Variants in ADORA1 observed in about 807,000 individuals in gnomAD.
The protein encoded by ADORA1 is adenosine A1 receptor, also known as adenosine receptor A1.
In ADORA1, 6 loss-of-function variants were observed where a neutral mutation model predicts 19.9. The observed-to-expected ratio is 0.30, with a 90% CI of 0.17 to 0.59. The LOEUF is 0.59. ADORA1 is among the 20% of genes least tolerant of loss of function. The probability of loss-of-function intolerance (pLI) is 0.87; values close to 1 mark genes in which losing one functional copy is unlikely to be tolerated. For missense variants in ADORA1, 302 were observed against 439.2 expected (o/e 0.69, Z 2.79); for synonymous variants, 194 against 188.4 (o/e 1.03, Z -0.24).
chr1:203,144,081 T>TACTTACACAC lies in ADORA1; in HGVS notation c.341+14901_341+14902insTTACACACAC, dbSNP rs1553267901. On this transcript the variant is annotated intron_variant, in intron 3 of 3. Transcript: ENST00000337894. ...GGGATTTAACATCAAGACTACCTCT[T>TACTTACACAC]ACACACACACACACACACACACACA... is the stretch of plus-strand genomic sequence containing the variant. Among the ~76,000 whole-genome samples the TACTTACACAC allele has an allele frequency of 2.9e-5, 4 of 139,772 alleles. No individual in the cohort carries two copies. The East Asian group carries it at 8.9e-4, about 31-fold the overall frequency. The allele number at this position is 139,772 out of a possible 152,430, so 91.7% of individuals were successfully genotyped here. A position where few individuals can be genotyped will look rare whatever the true frequency, so the allele number is the denominator to read the frequency against.
rs1437820804 is a variant in ADORA1, at chr1:203,133,086, C to A, written c.341+3904C>A. On this transcript the variant is annotated intron_variant, in intron 3 of 3. Transcript: ENST00000337894. ...AATGTTCATAGTCTCACTAGTAGAGCTTATTGTTACCCCCATTGTATAGAC... is the reference window on the plus strand; with the variant it reads ...AATGTTCATAGTCTCACTAGTAGAGATTATTGTTACCCCCATTGTATAGAC... Among the ~76,000 whole-genome samples, 4 of 150,582 alleles carry A rather than the reference C, an allele frequency of 2.7e-5. No individual in the cohort carries two copies. The East Asian group carries it at 7.7e-4, about 29-fold the overall frequency.
At chr1:203,144,540 G>T (rs1467210758) in intron 3 of ADORA1, among the ~76,000 whole-genome samples, 1 of 152,154 alleles carries the variant, frequency 6.6e-6, no homozygotes, top group Non-Finnish European at 1.5e-5. Flanking sequence ...GGGAGCCGAG[G>T]CTCAGAGAAA....
chr1:203,163,843 G>T (rs1655448274), intron 3 of ADORA1, among the ~76,000 whole-genome samples: 1 of 152,236 alleles, frequency 6.6e-6, no homozygotes, highest in African/African-American at 2.4e-5. Context: ...GAAAGCCGCA[G>T]ATTCTGCATC....
intron 3 of ADORA1, among the ~76,000 whole-genome samples, chr1:203,132,996 G>A (rs925022415): frequency 3.9e-5 from 6 of 151,918 alleles, no homozygotes; most frequent in African/African-American, 1.5e-4. Context: ...TGTGTTGTGT[G>A]TTTTAGCTCC....
chr1:203,155,639 C>T (rs184102546), intron 3 of ADORA1, among the ~76,000 whole-genome samples: 3 of 152,334 alleles, frequency 2.0e-5, no homozygotes, highest in East Asian at 1.9e-4. Context: ...TGAGTTCTGG[C>T]CAGGGAAGCC....
In ADORA1 at chr1:203,165,754, G is replaced by A. The variant is rs748346254; in HGVS notation, c.835G>A (p.Gly279Ser). Residue 279 changes from glycine (G) to serine (S), a missense_variant, in exon 4 of 4, where the codon GGC becomes AGC. Transcript: ENST00000337894. The surrounding 1 kb of genome is among the most constrained non-coding windows in gnomAD (Gnocchi z 5.9). Reference protein sequence around the residue: ...LTYIAIFLTHGNSAMNPIVYA... With the variant: ...LTYIAIFLTHSNSAMNPIVYA... Reference sequence around the variant, plus strand: ...CTACATTGCCATCTTCCTCACGCACGGCAACTCGGCCATGAACCCCATTGT... The same window carrying A: ...CTACATTGCCATCTTCCTCACGCACAGCAACTCGGCCATGAACCCCATTGT... 1.1e-5 allele frequency: 17 copies of A among 1,613,644 alleles called. No individual in the cohort carries two copies. The highest frequency in any genetic ancestry group is 3.3e-5 in the Admixed American group (2 of 59,984).
rs138979142 is a variant in ADORA1, at chr1:203,157,345, A to G, written c.342-7916A>G. Among the ~76,000 whole-genome samples, 652 of 152,230 alleles carry G rather than the reference A, an allele frequency of 4.3e-3. 5 individuals carry two copies. Among genetic ancestry groups the G allele is most frequent in the African/African-American group, 0.014 (599 of 41,574 alleles). ...AGAAAGCAGTAACAGGATCCAAGTA[A>G]GTCCAAACCCCAACAAGCCAGACAA... On this transcript the variant is annotated intron_variant, in intron 3 of 3. Coordinates refer to ENST00000337894, the MANE Select transcript of ADORA1 (RefSeq NM_000674.3).
At chr1:203,141,541 G>A (rs936608093) in intron 3 of ADORA1, among the ~76,000 whole-genome samples, 11 of 149,250 alleles carry the variant, frequency 7.4e-5, no homozygotes, top group Non-Finnish European at 1.3e-4. Flanking sequence ...GAGAGGGGAC[G>A]GTCTGTTTGA....
intron 3 of ADORA1, among the ~76,000 whole-genome samples, chr1:203,134,602 C>A (rs2102737499): frequency 6.6e-6 from 1 of 152,294 alleles, no homozygotes; most frequent in East Asian, 1.9e-4. Context: ...CGGAGAATGG[C>A]CAGGATGCCT....
chr1:203,129,313 C>A, intron 3 of ADORA1, 131 bp downstream of exon 3: 1 of 1,448,204 alleles, frequency 6.9e-7, no homozygotes. Context: ...GTGCTCCAGT[C>A]CTCACTCTGC....
At chr1:203,164,342 C>A (rs1655464507) in intron 3 of ADORA1, among the ~76,000 whole-genome samples, 1 of 152,328 alleles carries the variant, frequency 6.6e-6, no homozygotes, top group African/African-American at 2.4e-5. Flanking sequence ...AAGCAGGGAT[C>A]TTTTATCTTA....
chr1:203,131,968 C>G (rs116423191), intron 3 of ADORA1, among the ~76,000 whole-genome samples: 1 of 152,114 alleles, frequency 6.6e-6, no homozygotes, highest in Non-Finnish European at 1.5e-5. Flanking sequence ...CTGGGGCACC[C>G]GGATACAGGT....
At chr1:203,142,313 G>A (rs1654720813) in intron 3 of ADORA1, among the ~76,000 whole-genome samples, 1 of 152,190 alleles carries the variant, frequency 6.6e-6, no homozygotes, top group Non-Finnish European at 1.5e-5. Flanking sequence ...GGCAGGGCGT[G>A]GTACTGTCAA....
chr1:203,137,517 A>G (rs1031496471), intron 3 of ADORA1, among the ~76,000 whole-genome samples: 1 of 152,238 alleles, frequency 6.6e-6, no homozygotes, highest in Non-Finnish European at 1.5e-5. Context: ...CTTTAGGGAC[A>G]AGGGTGCAAA....
intron 3 of ADORA1, chr1:203,150,714 AG>A (rs1485656999): frequency 7.8e-7 from 1 of 1,289,846 alleles, no homozygotes; most frequent in Non-Finnish European, 1.0e-6. Flanking sequence ...CTAATGTGGA[AG>A]CACAAGCTGT....
At chr1:203,137,129 T>G (rs933558431) in intron 3 of ADORA1, among the ~76,000 whole-genome samples, 1 of 151,992 alleles carries the variant, frequency 6.6e-6, no homozygotes, top group African/African-American at 2.4e-5. Flanking sequence ...GGTTGCAACT[T>G]TAAATAGGGT....
chr1:203,154,479 C>T (rs1259598640), intron 3 of ADORA1, among the ~76,000 whole-genome samples: 2 of 152,170 alleles, frequency 1.3e-5, no homozygotes, highest in African/African-American at 4.8e-5. Context: ...TGAGTAACAA[C>T]AGGAAGCTAC....
chr1:203,165,177 C>A lies in ADORA1; in HGVS notation c.342-84C>A. ...AAGAGGAGGGTGCTCCTCTTAGAGGCCCCTGGAGGCCAGGCGTGCCTCAGA... is the reference window on the plus strand; with the variant it reads ...AAGAGGAGGGTGCTCCTCTTAGAGGACCCTGGAGGCCAGGCGTGCCTCAGA... On this transcript the variant is annotated intron_variant, in intron 3 of 3. Coordinates refer to ENST00000337894, the MANE Select transcript of ADORA1 (RefSeq NM_000674.3). The surrounding 1 kb of genome is among the most constrained non-coding windows in gnomAD (Gnocchi z 5.9). 2 of 1,597,416 alleles carry A rather than the reference C, an allele frequency of 1.3e-6. No individual in the cohort carries two copies. The highest frequency in any genetic ancestry group is 1.7e-6 in the Non-Finnish European group (2 of 1,172,636).
intron 3 of ADORA1, among the ~76,000 whole-genome samples, chr1:203,148,693 TG>T (rs1217696426): frequency 6.6e-6 from 1 of 152,178 alleles, no homozygotes; most frequent in Non-Finnish European, 1.5e-5. Flanking sequence ...GCCCTGGGGT[TG>T]GACCTTCCAA....
Sources: allele counts gnomAD v4.1 joint callset (sites outside exome capture counted in the v4.1 genomes callset), GRCh38; gene constraint gnomAD v4.1.1; non-coding constraint Gnocchi (gnomAD v3.1); transcripts MANE v1.5; gene names NCBI Gene and HGNC (gene_info 2026-07-23, HGNC 2026-07-21).